Variants in SLC12A1 observed in about 807,000 individuals in gnomAD.
The protein encoded by SLC12A1 is solute carrier family 12 member 1, also known as Na-K-2Cl cotransporter.
A neutral mutation model predicts 130.4 loss-of-function variants in SLC12A1; 89 were observed. The observed-to-expected ratio is 0.68, with a 90% confidence interval of 0.58 to 0.81. SLC12A1 has a LOEUF of 0.81. Among genes scored for constraint, SLC12A1 ranks in the 40% least tolerant of loss-of-function variants. SLC12A1 has a pLI of 0.00. For synonymous variants in SLC12A1, 499 were observed against 460.0 expected (o/e 1.08, Z -1.09); for missense variants, 1,310 against 1,336.4 (o/e 0.98, Z 0.31).
Position 48,226,524 on chromosome 15 carries a change from C to T in SLC12A1, c.677C>T (p.Thr226Ile). Residue 226 changes from threonine (T) to isoleucine (I), a missense_variant, in exon 5 of 27, where the codon ACT (threonine) becomes ATT (isoleucine). Transcript: ENST00000380993. ...ILLSTMVTSI[T>I]GLSTSAIATN... Reference sequence around the variant, plus strand: ...CTTTCCACCATGGTAACTTCTATTACTGGGTTGTCAACTTCTGCGATAGCA... The same window carrying T: ...CTTTCCACCATGGTAACTTCTATTATTGGGTTGTCAACTTCTGCGATAGCA... 6.2e-7 allele frequency: 1 copy of T among 1,609,926 alleles called. No homozygotes were observed. The highest frequency in any genetic ancestry group is 8.5e-7 in the Non-Finnish European group (1 of 1,178,228).
rs577894346 is a variant in SLC12A1, at chr15:48,226,565, C to T, written c.718C>T (p.Arg240Cys). The stretch of plus-strand genomic sequence containing the variant: ...TGCGATAGCAACTAACGGGTTTGTT[C>T]GTGGAGGTAAAATCTCTAAGATATC... ...TSAIATNGFV[R>C]GGGAYYLISR... The change falls in exon 5 of 27, where the codon CGT (arginine) becomes TGT (cysteine). Residue 240 changes from arginine (R) to cysteine (C), a missense_variant. Coordinates refer to ENST00000380993, the MANE Select transcript of SLC12A1 (RefSeq NM_000338.3). 3.1e-5 allele frequency: 50 copies of T among 1,600,820 alleles called. 1 individual carries two copies. The highest frequency in any genetic ancestry group is 2.9e-4 in the South Asian group (26 of 89,606).
intron 4 of SLC12A1, among the ~76,000 whole-genome samples, chr15:48,222,004 C>A (rs1201150034): frequency 6.6e-6 from 1 of 152,164 alleles, no homozygotes; most frequent in Admixed American, 6.5e-5. Context: ...AAAAATGGAG[C>A]CAGTTCCCAT....
chr15:48,248,469 C>T (rs2041609013), intron 13 of SLC12A1, among the ~76,000 whole-genome samples: 1 of 152,202 alleles, frequency 6.6e-6, no homozygotes, highest in Admixed American at 6.5e-5. Context: ...TAGATAATAT[C>T]CTTTAAAATC....
intron 24 of SLC12A1, among the ~76,000 whole-genome samples, chr15:48,293,399 A>G (rs1042903651): frequency 1.3e-5 from 2 of 152,376 alleles, no homozygotes; most frequent in African/African-American, 2.4e-5. Flanking sequence ...GATGTAATTT[A>G]ATACATTTGA....
intron 17 of SLC12A1, 111 bp from the exon 18 acceptor site, chr15:48,267,450 C>G: frequency 8.3e-7 from 1 of 1,206,864 alleles, no homozygotes. Context: ...TTCCCTCTTT[C>G]CCATTTCTTA....
chr15:48,273,100 C>CAAAAAAAA lies in SLC12A1; in HGVS notation c.2403-1458_2403-1451dup. Among the ~76,000 whole-genome samples, 2 of 82,006 alleles carry CAAAAAAAA rather than the reference C, an allele frequency of 2.4e-5. 1 individual carries two copies. 53.8% of individuals were successfully genotyped at this position (82,006 alleles called of 152,430 possible). Reference sequence around the variant, plus strand: ...AGCCTGGGTGGCAGAGTCAGACTGTCAAAAAAAAAAAAAAAAAAAACCTAC... The same window carrying CAAAAAAAA: ...AGCCTGGGTGGCAGAGTCAGACTGTCAAAAAAAAAAAAAAAAAAAAAAAAAAAACCTAC... On this transcript the variant is annotated intron_variant, in intron 19 of 26. Transcript: ENST00000380993.
chr15:48,274,429 T>G (rs1419771815), intron 19 of SLC12A1, 142 bp from the exon 20 acceptor site: 1 of 640,560 alleles, frequency 1.6e-6, no homozygotes, highest in Non-Finnish European at 2.8e-6. Flanking sequence ...AACAAACAAA[T>G]GCATCAGCTC....
chr15:48,211,091 G>A (rs980601062), intron 2 of SLC12A1, among the ~76,000 whole-genome samples: 1 of 152,162 alleles, frequency 6.6e-6, no homozygotes, highest in East Asian at 1.9e-4. Context: ...TTTTGAAAGT[G>A]TATAGTAATA....
intron 2 of SLC12A1, 118 bp from the exon 3 acceptor site, chr15:48,220,516 T>G: frequency 1.0e-6 from 1 of 972,410 alleles, no homozygotes; most frequent in Non-Finnish European, 1.5e-6. Context: ...TATATTTAGT[T>G]TGGGGGTTTT....
chr15:48,234,189 T>TTG lies in SLC12A1; in HGVS notation c.1088-675_1088-674dup, dbSNP rs368705642. Among the ~76,000 whole-genome samples the TTG allele has an allele frequency of 7.3e-5, 11 of 151,382 alleles. 1 individual carries two copies. The highest frequency in any genetic ancestry group is 2.4e-4 in the African/African-American group (10 of 41,328). On this transcript the variant is annotated intron_variant, in intron 8 of 26. Transcript: ENST00000380993. ...GGTATTTATGCATGTGAGAATGTAG[T>TTG]TGTGTGTGTGTGTGAATGTGTGTGG...
rs1597467400 is a variant in SLC12A1, at chr15:48,303,835, A to G, written c.*950A>G. The stretch of plus-strand genomic sequence containing the variant: ...TTTAGTTACTTTCTATAGTGATTGT[A>G]TGGATTTAAAAGAATAATTAAAATG... On this transcript the variant is annotated 3_prime_UTR_variant, in exon 27 of 27. Coordinates refer to ENST00000380993, the MANE Select transcript of SLC12A1 (RefSeq NM_000338.3). 6.6e-6 allele frequency: 1 copy of G among 152,226 alleles called. No homozygotes were observed. The highest frequency in any genetic ancestry group is 1.5e-5 in the Non-Finnish European group (1 of 68,032). The allele number at this position is 152,226 out of a possible 1,614,324, so 9.4% of individuals were successfully genotyped here.
chr15:48,260,439 T>G (rs1405935963), intron 17 of SLC12A1, among the ~76,000 whole-genome samples: 4 of 151,804 alleles, frequency 2.6e-5, no homozygotes, highest in Non-Finnish European at 5.9e-5. Flanking sequence ...ACTTACGTAT[T>G]CTTCAAACCA....
chr15:48,277,420 T>C (rs1364508489), intron 20 of SLC12A1, among the ~76,000 whole-genome samples: 1 of 152,124 alleles, frequency 6.6e-6, no homozygotes, highest in African/African-American at 2.4e-5. Context: ...AGTGGTAAAT[T>C]GAAGAAGATG....
intron 21 of SLC12A1, among the ~76,000 whole-genome samples, chr15:48,286,728 T>C (rs927095070): frequency 6.6e-6 from 1 of 152,246 alleles, no homozygotes; most frequent in Non-Finnish European, 1.5e-5. Context: ...AATAATGTTA[T>C]ATACTGTTTT....
At chr15:48,292,418 TA>T (rs557641915) in intron 24 of SLC12A1, among the ~76,000 whole-genome samples, 2 of 147,070 alleles carry the variant, frequency 1.4e-5, no homozygotes, top group East Asian at 2.0e-4. Flanking sequence ...GGCTCCAAAA[TA>T]AAAAAAAAAG....
At chr15:48,223,171 C>T (rs2041238069) in intron 4 of SLC12A1, 1 of 152,152 alleles carries the variant, frequency 6.6e-6, no homozygotes, top group Non-Finnish European at 1.5e-5. Context: ...AGCTAAAGTA[C>T]CTTTCTGAAC....
rs56705329 is a variant in SLC12A1 at position 48,250,676 on chromosome 15, T to TCACACACACACA, written c.1787-919_1787-908dup. ...TACACAAACCCAGAAAATGTCTGCC[T>TCACACACACACA]CACACACACACACACACACACACAC... On this transcript the variant is annotated intron_variant, in intron 14 of 26. Coordinates refer to ENST00000380993, the MANE Select transcript of SLC12A1 (RefSeq NM_000338.3). Among the ~76,000 whole-genome samples, 1,408 of 146,016 alleles carry TCACACACACACA rather than the reference T, an allele frequency of 9.6e-3. 20 individuals carry two copies. Among genetic ancestry groups the TCACACACACACA allele is most frequent in the African/African-American group, 0.031 (1,197 of 38,016 alleles).
At chr15:48,299,477 C>T (rs546027248) in intron 25 of SLC12A1, among the ~76,000 whole-genome samples, 1 of 152,172 alleles carries the variant, frequency 6.6e-6, no homozygotes, top group East Asian at 1.9e-4. Context: ...CCCATAAGGT[C>T]AATTATATTT....
At chr15:48,284,652 C>T (rs2042038961) in intron 20 of SLC12A1, among the ~76,000 whole-genome samples, 2 of 152,128 alleles carry the variant, frequency 1.3e-5, no homozygotes, top group Admixed American at 6.5e-5. Context: ...TTTCTCTTTT[C>T]TTTTGGAGAC....
Sources: gnomAD v4.1 joint callset for allele counts (sites outside exome capture counted in the v4.1 genomes callset) on GRCh38, gnomAD v4.1.1 for gene constraint, MANE v1.5 for transcripts, NCBI Gene and HGNC (gene_info 2026-07-23, HGNC 2026-07-21) for gene names.